TAF5L: variants seen among roughly 807,000 people sequenced by gnomAD.
The protein encoded by TAF5L is TATA-box binding protein associated factor 5 like.
Under a neutral mutation model 51.3 loss-of-function variants are expected in TAF5L, and 7 were observed. The ratio of observed to expected loss-of-function variants is 0.14; its 90% CI spans 0.08 to 0.26. The LOEUF is 0.26. Among genes scored for constraint, TAF5L ranks in the 10% least tolerant of loss-of-function variants. The pLI, the probability that TAF5L is intolerant of heterozygous loss-of-function variation, is 1.00. For synonymous variants in TAF5L, 291 were observed against 308.1 expected (o/e 0.94, Z 0.58); for missense variants, 575 against 758.9 (o/e 0.76, Z 2.85).
intron 3 of TAF5L, chr1:229,607,280 T>C (rs1281279301): frequency 1.0e-6 from 1 of 985,428 alleles, no homozygotes; most frequent in Non-Finnish European, 1.2e-6. Context: ...TGCTGTCAAA[T>C]TCTGGTCCTT....
In TAF5L at chr1:229,594,664, C is replaced by T. The variant is rs1318439520; in HGVS notation, c.1403G>A (p.Arg468His). 14 of 1,614,086 alleles carry T rather than the reference C, an allele frequency of 8.7e-6. No homozygotes were observed. Among genetic ancestry groups the T allele is most frequent in the Admixed American group, 3.3e-5 (2 of 60,004 alleles). ...AAAGGCGAGAGAAAGCACGGGGCCA[C>T]GGTGGCCTGTGAAAAGCCTCACCGA... The change falls in exon 5 of 5, where the codon CGT becomes CAT. Residue 468 changes from arginine to histidine, a missense_variant. Arg to His is a conservative substitution (Grantham distance 29). Coordinates refer to ENST00000258281, the Ensembl canonical transcript of TAF5L. This position sits in a 1 kb window ranked among gnomAD's most constrained non-coding sequence, Gnocchi z 7.9.
chr1:229,602,244 T>A lies in TAF5L; in HGVS notation c.923A>T (p.Gln308Leu). 1 of 1,614,154 alleles carries A rather than the reference T, an allele frequency of 6.2e-7. No individual in the cohort carries two copies. The highest frequency in any genetic ancestry group is 1.1e-5 in the South Asian group (1 of 91,082). ...CAAATGGATGCGGGACACGTCTACT[T>A]GGTGGGGCTCTGATTTTAACTTCTT... The change falls in exon 4 of 5, where the codon CAA (glutamine) becomes CTA (leucine). Residue 308 changes from glutamine to leucine, a missense_variant. Transcript: ENST00000258281. This position sits in a 1 kb window ranked among gnomAD's most constrained non-coding sequence, Gnocchi z 4.6.
At chr1:229,614,770 G>T (rs562612727) in intron 1 of TAF5L, among the ~76,000 whole-genome samples, 3 of 152,258 alleles carry the variant, frequency 2.0e-5, no homozygotes, top group South Asian at 4.1e-4. Context: ...TTAATACCAA[G>T]ATTCCAATCA....
rs1665431923 is a variant in TAF5L, at chr1:229,625,747, G to A, written c.-4+138C>T. On this transcript the variant is annotated intron_variant, in intron 1 of 4. Transcript: ENST00000258281. This position sits in a 1 kb window ranked among gnomAD's most constrained non-coding sequence, Gnocchi z 4.0. ...CCGCCGCCCCCCAGCCCCGCCTCCC[G>A]CGCCCCACCCCCACCGCCCGCCGGC... 2.0e-4 allele frequency: 2 copies of A among 10,054 alleles called. No individual in the cohort carries two copies. Among genetic ancestry groups the A allele is most frequent in the South Asian group, 4.9e-3 (2 of 412 alleles). The allele number at this position is 10,054 out of a possible 1,614,324, so 0.6% of individuals were successfully genotyped here.
In TAF5L at chr1:229,625,004, G is replaced by A. The variant is rs1337671794; in HGVS notation, c.-4+881C>T. On this transcript the variant is annotated intron_variant, in intron 1 of 4. Coordinates refer to ENST00000258281, the Ensembl canonical transcript of TAF5L. The surrounding 1 kb of genome is among the most constrained non-coding windows in gnomAD (Gnocchi z 4.0). The stretch of plus-strand genomic sequence containing the variant: ...CCATTCCGAGATTCCAATCTGCAAG[G>A]TCAGTTTAGGTACAGTAATTTAAGA... Among the ~76,000 whole-genome samples, 1 of 152,136 alleles carries A rather than the reference G, an allele frequency of 6.6e-6. No homozygotes were observed. The highest frequency in any genetic ancestry group is 2.4e-5 in the African/African-American group (1 of 41,398).
At position 229,594,305 on chromosome 1, in the gene TAF5L, C is replaced by T. The variant is rs757504300; in HGVS notation, c.1762G>A (p.Glu588Lys). ...CCAACAAAGTTAAAAAATTAATGTT[C>T]CTGATTTTCTTGTGTAATTCCAGTC... Residue 588 changes from glutamate (E) to lysine (K), a missense_variant, in exon 5 of 5, where the codon GAA becomes AAA. By Grantham distance (56) the Glu-to-Lys change is moderately conservative. Transcript: ENST00000258281. This position sits in a 1 kb window ranked among gnomAD's most constrained non-coding sequence, Gnocchi z 7.9. 1 of 1,604,762 alleles carries T rather than the reference C, an allele frequency of 6.2e-7. No homozygotes were observed.
chr1:229,593,308 G>A (rs998171487), exon 5 of TAF5L: 3 of 152,132 alleles, frequency 2.0e-5, no homozygotes, highest in African/African-American at 7.2e-5. Flanking sequence ...TGCAGGACGT[G>A]GGAGCAGTTC....
chr1:229,608,180 T>C (rs1352787964), intron 3 of TAF5L, among the ~76,000 whole-genome samples: 1 of 152,186 alleles, frequency 6.6e-6, no homozygotes, highest in African/African-American at 2.4e-5. Flanking sequence ...AATGGTATTT[T>C]AAAGCAAAGA....
intron 4 of TAF5L, chr1:229,599,348 G>C (rs1664275713): frequency 2.3e-5 from 8 of 355,298 alleles, no homozygotes; most frequent in Non-Finnish European, 3.1e-5. Context: ...ATGATTTTTA[G>C]TACATTCACA....
At chr1:229,622,359 G>A (rs1173744627) in intron 1 of TAF5L, among the ~76,000 whole-genome samples, 1 of 152,076 alleles carries the variant, frequency 6.6e-6, no homozygotes, top group Non-Finnish European at 1.5e-5. Context: ...TAACAGGGGA[G>A]CCCCAAACAT....
At chr1:229,621,054 C>T (rs773785617) in intron 1 of TAF5L, among the ~76,000 whole-genome samples, 7 of 152,016 alleles carry the variant, frequency 4.6e-5, no homozygotes, top group East Asian at 1.9e-4. Context: ...TTTTGGCAAA[C>T]GACGGAGGTG....
intron 4 of TAF5L, among the ~76,000 whole-genome samples, chr1:229,597,962 G>A (rs1664189245): frequency 6.6e-6 from 1 of 152,076 alleles, no homozygotes; most frequent in Non-Finnish European, 1.5e-5. Context: ...CCTTTCTTGG[G>A]GTCTGGAATT....
intron 1 of TAF5L, among the ~76,000 whole-genome samples, chr1:229,615,151 G>A (rs1049521253): frequency 1.3e-5 from 2 of 152,084 alleles, no homozygotes; most frequent in African/African-American, 2.4e-5. Flanking sequence ...GCATTGGTGC[G>A]ATCTCAGCTC....
chr1:229,614,114 G>T (rs960479960), intron 2 of TAF5L: 1 of 704,110 alleles, frequency 1.4e-6, no homozygotes. Context: ...AATGACTTTA[G>T]CCAGGGGAAT....
intron 2 of TAF5L, among the ~76,000 whole-genome samples, chr1:229,613,169 A>C (rs1411353525): frequency 2.1e-5 from 1 of 46,980 alleles, no homozygotes; most frequent in African/African-American, 8.0e-5. Flanking sequence ...AATAACAAGC[A>C]AAAAAAAAAA....
At chr1:229,613,908 T>C (rs1376933174) in intron 2 of TAF5L, among the ~76,000 whole-genome samples, 3 of 152,188 alleles carry the variant, frequency 2.0e-5, no homozygotes, top group Non-Finnish European at 4.4e-5. Context: ...CAACTACAGA[T>C]CCTGAAGTAC....
intron 3 of TAF5L, 85 bp downstream of exon 3, chr1:229,610,021 G>A: frequency 3.6e-6 from 4 of 1,106,094 alleles, no homozygotes; most frequent in Non-Finnish European, 4.0e-6. Context: ...TGTGGAGCAG[G>A]GCTAACTCAC....
intron 2 of TAF5L, 39 bp downstream of exon 2, chr1:229,614,302 G>A (rs770175959): frequency 1.2e-6 from 2 of 1,614,094 alleles, no homozygotes; most frequent in African/African-American, 1.3e-5. Flanking sequence ...GAGTTCTCCT[G>A]CTCCAGGCTC....
intron 2 of TAF5L, among the ~76,000 whole-genome samples, chr1:229,611,989 C>G (rs1664809057): frequency 6.6e-6 from 1 of 152,226 alleles, no homozygotes; most frequent in Non-Finnish European, 1.5e-5. Flanking sequence ...GAACCTCCCC[C>G]TCACAGAACT....
Sources: allele counts gnomAD v4.1 joint callset (sites outside exome capture counted in the v4.1 genomes callset), GRCh38; gene constraint gnomAD v4.1.1; non-coding constraint Gnocchi (gnomAD v3.1); transcripts MANE v1.5; gene names NCBI Gene and HGNC (gene_info 2026-07-23, HGNC 2026-07-21).